Variants in TMEM232 observed in about 807,000 individuals in gnomAD.
The protein encoded by TMEM232 is transmembrane protein 232.
TMEM232 carries 80 observed loss-of-function variants against 78.8 expected under a neutral mutation model. The observed-to-expected ratio is 1.01, with a 90% confidence interval of 0.85 to 1.22. TMEM232 has a LOEUF of 1.22. Among genes scored for constraint, TMEM232 ranks in the 50% most tolerant of loss-of-function variants. TMEM232 has a pLI of 0.00. For synonymous variants in TMEM232, 297 were observed against 254.3 expected (o/e 1.17, Z -1.60); for missense variants, 881 against 742.2 (o/e 1.19, Z -2.17).
rs571217170 is a variant in TMEM232 at position 110,468,754 on chromosome 5, A to G, written c.1704-43838T>C. Reference sequence around the variant, plus strand: ...CAGATCCTTTCATAATAATAAAAAAATCTTAGGAATAATGTCAGTAAGATG... The same window carrying G: ...CAGATCCTTTCATAATAATAAAAAAGTCTTAGGAATAATGTCAGTAAGATG... On this transcript the variant is annotated intron_variant, in intron 12 of 13. Transcript: ENST00000455884. Among the ~76,000 whole-genome samples, 18 of 152,302 alleles carry G rather than the reference A, an allele frequency of 1.2e-4. No homozygotes were observed. The South Asian group carries it at 3.5e-3, about 30-fold the overall frequency.
intron 12 of TMEM232, among the ~76,000 whole-genome samples, chr5:110,461,282 G>A (rs1580775576): frequency 6.6e-6 from 1 of 152,170 alleles, no homozygotes; most frequent in African/African-American, 2.4e-5. Context: ...CAATTTAATT[G>A]CTGATATGGA....
chr5:110,461,422 G>C (rs1047762025), intron 12 of TMEM232, among the ~76,000 whole-genome samples: 2 of 152,108 alleles, frequency 1.3e-5, no homozygotes, highest in Non-Finnish European at 2.9e-5. Context: ...ATCCAGCAGC[G>C]GTTGGTCCAT....
intron 12 of TMEM232, among the ~76,000 whole-genome samples, chr5:110,491,468 AAGT>A (rs913725269): frequency 1.8e-4 from 27 of 152,174 alleles, no homozygotes; most frequent in African/African-American, 6.3e-4. Flanking sequence ...ACAGAAAAGA[AAGT>A]AGATGAGTGG....
At chr5:110,671,373 T>G (rs948098501) in intron 1 of TMEM232, among the ~76,000 whole-genome samples, 1 of 152,158 alleles carries the variant, frequency 6.6e-6, no homozygotes, top group African/African-American at 2.4e-5. Context: ...AGAAATACCA[T>G]TTGACCCAGC....
At chr5:110,624,205 G>A (rs936609669) in intron 7 of TMEM232, among the ~76,000 whole-genome samples, 1 of 152,044 alleles carries the variant, frequency 6.6e-6, no homozygotes, top group Non-Finnish European at 1.5e-5. Context: ...AATATTATAG[G>A]TCACTGTTTA....
At chr5:110,434,644 A>C (rs1470290855) in intron 12 of TMEM232, among the ~76,000 whole-genome samples, 1 of 152,020 alleles carries the variant, frequency 6.6e-6, no homozygotes, top group Non-Finnish European at 1.5e-5. Context: ...AAATCTGGCA[A>C]AGAGAGAAAA....
At chr5:110,405,559 G>C (rs1427628141) in intron 2 of TMEM232, among the ~76,000 whole-genome samples, 2 of 151,378 alleles carry the variant, frequency 1.3e-5, no homozygotes, top group South Asian at 2.1e-4. Context: ...AACTATTGTG[G>C]GAGAGAATTG....
intron 2 of TMEM232, among the ~76,000 whole-genome samples, chr5:110,652,294 G>GCGCACA (rs1554069154): frequency 1.3e-4 from 19 of 145,448 alleles, no homozygotes; most frequent in African/African-American, 4.4e-4. Flanking sequence ...GCACGCGCGC[G>GCGCACA]CACACACACA....
At chr5:110,620,297 A>G (rs534099287) in intron 7 of TMEM232, among the ~76,000 whole-genome samples, 51 of 152,330 alleles carry the variant, frequency 3.3e-4, no homozygotes, top group African/African-American at 1.2e-3. Context: ...CTCACAAGAT[A>G]GCAATTTTGG....
intron 12 of TMEM232, among the ~76,000 whole-genome samples, chr5:110,429,685 T>C (rs1283883548): frequency 6.6e-6 from 1 of 151,808 alleles, no homozygotes; most frequent in African/African-American, 2.4e-5. Context: ...AAACAAACCC[T>C]AGAACTCCAT....
intron 2 of TMEM232, among the ~76,000 whole-genome samples, chr5:110,661,202 T>C (rs187293139): frequency 2.2e-4 from 34 of 152,352 alleles, no homozygotes; most frequent in Non-Finnish European, 4.7e-4. Context: ...CCATTGTGTA[T>C]ATATATCACA....
At chr5:110,585,533 A>G (rs1032051469) in intron 10 of TMEM232, among the ~76,000 whole-genome samples, 1 of 152,118 alleles carries the variant, frequency 6.6e-6, no homozygotes, top group Non-Finnish European at 1.5e-5. Context: ...TAGACCGCAA[A>G]ATATGCCTTC....
At chr5:110,633,019 A>C (rs1188788886) in intron 5 of TMEM232, among the ~76,000 whole-genome samples, 1 of 152,176 alleles carries the variant, frequency 6.6e-6, no homozygotes, top group Non-Finnish European at 1.5e-5. Flanking sequence ...GAGCAGACTA[A>C]AAGTGGATTT....
rs10537246 is a variant in TMEM232, at chr5:110,420,977, C to CA, written c.1798-222dup. Among the ~76,000 whole-genome samples, 1,385 of 140,304 alleles carry CA rather than the reference C, an allele frequency of 9.9e-3. 11 individuals are homozygous for CA. Among genetic ancestry groups the CA allele is most frequent in the Middle Eastern group, 0.026 (7 of 274 alleles). 92.0% of individuals were successfully genotyped at this position (140,304 alleles called of 152,430 possible). A position where few individuals can be genotyped will look rare whatever the true frequency, so the allele number is the denominator to read the frequency against. ...AGAATTTCCTCAATATATTTAAAGA[C>CA]AAAAAAAAAAACAATAAAAAAGAAG... On this transcript the variant is annotated intron_variant, in intron 13 of 13. Coordinates refer to ENST00000455884, the MANE Select transcript of TMEM232 (RefSeq NM_001039763.4).
chr5:110,718,452 T>C (rs1005746126), intron 1 of TMEM232, among the ~76,000 whole-genome samples: 5 of 152,116 alleles, frequency 3.3e-5, no homozygotes, highest in Non-Finnish European at 5.9e-5. Context: ...GAAGCATTTC[T>C]GGATAGCTGT....
intron 13 of TMEM232, among the ~76,000 whole-genome samples, chr5:110,423,555 G>T (rs561446418): frequency 1.3e-5 from 2 of 151,986 alleles, no homozygotes; most frequent in Non-Finnish European, 2.9e-5. Flanking sequence ...CAAACAATTT[G>T]GATCTATAAG....
chr5:110,562,748 A>G (rs1014629387), intron 11 of TMEM232, among the ~76,000 whole-genome samples: 3 of 151,982 alleles, frequency 2.0e-5, no homozygotes, highest in African/African-American at 4.8e-5. Context: ...ATAAATATTT[A>G]TTTCATATTT....
intron 1 of TMEM232, among the ~76,000 whole-genome samples, chr5:110,696,882 T>A (rs1794852982): frequency 6.6e-6 from 1 of 152,052 alleles, no homozygotes; most frequent in Admixed American, 6.6e-5. Flanking sequence ...CCCAGGTAAT[T>A]TATAGATTCA....
chr5:110,684,970 G>A (rs1418397948), intron 1 of TMEM232: 1 of 152,020 alleles, frequency 6.6e-6, no homozygotes, highest in Non-Finnish European at 1.5e-5. Context: ...TAGAAAGTAT[G>A]TCTTAACGAA....
Sources: allele counts gnomAD v4.1 joint callset (sites outside exome capture counted in the v4.1 genomes callset), GRCh38; gene constraint gnomAD v4.1.1; transcripts MANE v1.5; gene names NCBI Gene and HGNC (gene_info 2026-07-23, HGNC 2026-07-21).